Variants in PUS10 observed in about 807,000 individuals in gnomAD.
PUS10 encodes the protein tRNA pseudouridine synthase Pus10.
A neutral mutation model predicts 75.0 loss-of-function variants in PUS10; 59 were observed. The observed-to-expected ratio is 0.79, with a 90% CI of 0.64 to 0.98. The LOEUF is 0.98. Ranked by LOEUF, PUS10 falls within the 50% of genes least tolerant of loss-of-function variation. The probability of loss-of-function intolerance (pLI) is 0.00; values close to 1 mark genes in which losing one functional copy is unlikely to be tolerated. For missense variants in PUS10, 650 were observed against 614.4 expected (o/e 1.06, Z -0.61); for synonymous variants, 219 against 211.6 (o/e 1.03, Z -0.30).
At position 61,018,194 on chromosome 2, in the gene PUS10, G is replaced by T; in HGVS notation, c.-202C>A. 1 of 1,550,928 alleles carries T rather than the reference G, an allele frequency of 6.4e-7. No individual in the cohort carries two copies. Among genetic ancestry groups the T allele is most frequent in the Non-Finnish European group, 8.7e-7 (1 of 1,146,928 alleles). Reference sequence around the variant, plus strand: ...TCTCTATCTTTAAAGCGTAGACTTTGGTCTGTAGCAGTTGAGAGCGGCATT... The same window carrying T: ...TCTCTATCTTTAAAGCGTAGACTTTTGTCTGTAGCAGTTGAGAGCGGCATT... On this transcript the variant is annotated 5_prime_UTR_variant, in exon 1 of 18. Transcript: ENST00000316752.
At chr2:60,955,521 G>A (rs914021594) in intron 11 of PUS10, among the ~76,000 whole-genome samples, 9 of 152,014 alleles carry the variant, frequency 5.9e-5, no homozygotes, top group Non-Finnish European at 1.0e-4. Flanking sequence ...TAGAGATGAG[G>A]TCTTGCTTTG....
chr2:61,002,960 T>A (rs77013691), intron 4 of PUS10, among the ~76,000 whole-genome samples: 3,111 of 152,300 alleles, frequency 0.02, 101 homozygotes, highest in African/African-American at 0.07. Flanking sequence ...AATCTGCTTA[T>A]GCTTCTCTTC....
At position 60,940,995 on chromosome 2, in the gene PUS10, A is replaced by G. The variant is rs1050501701; in HGVS notation, c.*1400T>C. 3 of 152,280 alleles carry G rather than the reference A, an allele frequency of 2.0e-5. No homozygotes were observed. The East Asian group carries it at 5.6e-4, about 29-fold the overall frequency. 9.4% of individuals were successfully genotyped at this position (152,280 alleles called of 1,614,324 possible). A position where few individuals can be genotyped will look rare whatever the true frequency, so the allele number is the denominator to read the frequency against. On this transcript the variant is annotated 3_prime_UTR_variant, in exon 18 of 18. Coordinates refer to ENST00000316752, the MANE Select transcript of PUS10 (RefSeq NM_144709.4). ...ACCATTTTCCTCATATCTAAAGTGA[A>G]TCTTGGTATCTGTGATTTATGTTTA...
chr2:60,954,654 C>G (rs1182317100), intron 12 of PUS10, among the ~76,000 whole-genome samples: 2 of 152,198 alleles, frequency 1.3e-5, no homozygotes, highest in African/African-American at 4.8e-5. Flanking sequence ...ACAGCAGAAT[C>G]ACTTTTTAAA....
At chr2:60,970,916 G>A (rs935572308) in intron 5 of PUS10, among the ~76,000 whole-genome samples, 2 of 151,676 alleles carry the variant, frequency 1.3e-5, no homozygotes, top group Middle Eastern at 3.4e-3. Flanking sequence ...GCTGTGGCTC[G>A]TGCCTGTAAT....
At chr2:60,990,583 T>A (rs184602891) in intron 4 of PUS10, among the ~76,000 whole-genome samples, 2 of 152,208 alleles carry the variant, frequency 1.3e-5, no homozygotes, top group African/African-American at 4.8e-5. Flanking sequence ...CTGCAATCCC[T>A]GTAGCTGGAT....
chr2:60,989,484 G>C (rs2104551986), intron 4 of PUS10, among the ~76,000 whole-genome samples: 1 of 152,206 alleles, frequency 6.6e-6, no homozygotes, highest in East Asian at 1.9e-4. Flanking sequence ...ACCCGTTTTT[G>C]GACCTTGGCA....
At chr2:60,952,326 C>T (rs1348881053) in intron 15 of PUS10, among the ~76,000 whole-genome samples, 2 of 130,234 alleles carry the variant, frequency 1.5e-5, no homozygotes, top group African/African-American at 2.8e-5. Flanking sequence ...AAGAGCAAGA[C>T]TCTGTCTCAA....
chr2:61,014,469 C>T (rs1232142332), intron 1 of PUS10, among the ~76,000 whole-genome samples: 1 of 152,138 alleles, frequency 6.6e-6, no homozygotes, highest in Non-Finnish European at 1.5e-5. Context: ...GCTTAAATTG[C>T]CAATTTTTGC....
At chr2:60,949,818 T>C (rs1370921293) in intron 15 of PUS10, among the ~76,000 whole-genome samples, 1 of 152,204 alleles carries the variant, frequency 6.6e-6, no homozygotes, top group Admixed American at 6.5e-5. Flanking sequence ...AATGGCGCCA[T>C]GATGGCTCAC....
At chr2:60,984,095 CA>C (rs1677574803) in intron 4 of PUS10, among the ~76,000 whole-genome samples, 1 of 151,842 alleles carries the variant, frequency 6.6e-6, no homozygotes, top group African/African-American at 2.4e-5. Flanking sequence ...AAGATCAAAA[CA>C]AATATTGAAA....
chr2:60,955,195 A>G, intron 11 of PUS10, 121 bp from the exon 12 acceptor site: 2 of 509,134 alleles, frequency 3.9e-6, no homozygotes, highest in Non-Finnish European at 3.4e-6. Context: ...ATCCCCAGGG[A>G]GAGTCATCAT....
chr2:60,947,207 GT>G (rs1674996287), intron 16 of PUS10, among the ~76,000 whole-genome samples: 1 of 151,880 alleles, frequency 6.6e-6, no homozygotes, highest in South Asian at 2.1e-4. Context: ...CATCTGAATC[GT>G]TTTGTTTTTG....
chr2:60,965,592 A>C (rs1676291018), intron 6 of PUS10, 108 bp from the exon 7 acceptor site: 4 of 784,254 alleles, frequency 5.1e-6, no homozygotes, highest in Non-Finnish European at 8.2e-6. Context: ...GAAAAGAATG[A>C]CCAGAAAAAC....
chr2:61,015,358 C>T (rs1204472583), intron 1 of PUS10, among the ~76,000 whole-genome samples: 1 of 151,902 alleles, frequency 6.6e-6, no homozygotes, highest in Non-Finnish European at 1.5e-5. Flanking sequence ...AAATTAGCCA[C>T]GTGTGGAGGT....
chr2:60,998,001 C>A (rs1253191033), intron 4 of PUS10, among the ~76,000 whole-genome samples: 1 of 152,156 alleles, frequency 6.6e-6, no homozygotes, highest in Admixed American at 6.5e-5. Flanking sequence ...AGAAAATACA[C>A]ATGCTAAATC....
chr2:60,979,140 CACATACACATACACAT>C (rs1418212010), intron 4 of PUS10, among the ~76,000 whole-genome samples: 6 of 89,780 alleles, frequency 6.7e-5, no homozygotes, highest in Non-Finnish European at 1.3e-4. Flanking sequence ...CATACACATA[CACATACACATACACAT>C]ATGCATACAT....
In PUS10 at chr2:61,006,436, T is replaced by A. The variant is rs1419509267; in HGVS notation, c.468+121A>T. ...AAGCAGCTATAAATTGCTTCAATCA[T>A]TCAATAAGTAGACAAAATGTAAAAA... On this transcript the variant is annotated intron_variant, in intron 4 of 17. Coordinates refer to ENST00000316752, the MANE Select transcript of PUS10 (RefSeq NM_144709.4). 1.2e-5 allele frequency: 9 copies of A among 730,754 alleles called. No individual in the cohort carries two copies. In the Admixed American group the frequency reaches 1.5e-4, roughly 13 times the overall value. The allele number at this position is 730,754 out of a possible 1,614,324, so 45.3% of individuals were successfully genotyped here. A position where few individuals can be genotyped will look rare whatever the true frequency, so the allele number is the denominator to read the frequency against.
At chr2:60,983,056 G>C (rs1318778502) in intron 4 of PUS10, among the ~76,000 whole-genome samples, 1 of 152,054 alleles carries the variant, frequency 6.6e-6, no homozygotes, top group Non-Finnish European at 1.5e-5. Flanking sequence ...ACCATACCTA[G>C]CTAATTTTTT....
Sources: allele counts gnomAD v4.1 joint callset (sites outside exome capture counted in the v4.1 genomes callset), GRCh38; gene constraint gnomAD v4.1.1; transcripts MANE v1.5; gene names NCBI Gene and HGNC (gene_info 2026-07-23, HGNC 2026-07-21).